The following ATF6 variants were observed in gnomAD, a reference collection of about 807,000 sequenced individuals.
The protein encoded by ATF6 is activating transcription factor 6, also known as cyclic AMP-dependent transcription factor ATF-6 alpha.
ATF6 carries 53 observed loss-of-function variants against 83.6 expected under a neutral mutation model. The observed-to-expected ratio is 0.63, with a 90% confidence interval of 0.51 to 0.80. The LOEUF is 0.80. ATF6 is among the 30% of genes least tolerant of loss of function. The pLI is 0.00. For missense variants in ATF6, 744 were observed against 797.9 expected, an observed-to-expected ratio of 0.93 and a Z score of 0.81; for synonymous variants, 288 against 285.8, an observed-to-expected ratio of 1.01 and a Z score of -0.08.
chr1:161,800,014 A>T (rs940795940), intron 6 of ATF6, among the ~76,000 whole-genome samples: 1 of 152,086 alleles, frequency 6.6e-6, no homozygotes, highest in Admixed American at 6.6e-5. Flanking sequence ...ATTTTGTTAG[A>T]TAGGCTCAAG....
chr1:161,963,878 C>T lies in ATF6; in HGVS notation c.*5224C>T, dbSNP rs1031703269. Reference sequence around the variant, plus strand: ...ATGCCATTTCACCAGGATCTTTTTGCTCAGGTTGTACCCATGCCAATTGAA... The same window carrying T: ...ATGCCATTTCACCAGGATCTTTTTGTTCAGGTTGTACCCATGCCAATTGAA... On this transcript the variant is annotated 3_prime_UTR_variant, in exon 16 of 16. Coordinates refer to ENST00000367942, the MANE Select transcript of ATF6 (RefSeq NM_007348.4). 2 of 152,120 alleles carry T rather than the reference C, an allele frequency of 1.3e-5. No individual in the cohort carries two copies. Among genetic ancestry groups the T allele is most frequent in the African/African-American group, 4.8e-5 (2 of 41,398 alleles). The allele number at this position is 152,120 out of a possible 1,614,324, so 9.4% of individuals were successfully genotyped here.
chr1:161,777,376 C>T (rs907065993), intron 1 of ATF6, among the ~76,000 whole-genome samples: 1 of 152,076 alleles, frequency 6.6e-6, no homozygotes, highest in South Asian at 2.1e-4. Flanking sequence ...TTGTCTTAGG[C>T]GGTGAAATGT....
chr1:161,889,361 T>G (rs759759238), intron 14 of ATF6, among the ~76,000 whole-genome samples: 2 of 152,222 alleles, frequency 1.3e-5, no homozygotes, highest in South Asian at 2.1e-4. Flanking sequence ...TGTACTGAAG[T>G]CAACTTCTCC....
intron 15 of ATF6, among the ~76,000 whole-genome samples, chr1:161,922,302 T>G (rs1367163773): frequency 6.6e-6 from 1 of 152,170 alleles, no homozygotes; most frequent in Non-Finnish European, 1.5e-5. Flanking sequence ...CCACATTACC[T>G]TTTCAACTCA....
At chr1:161,810,311 T>A (rs1244245313) in intron 7 of ATF6, among the ~76,000 whole-genome samples, 3 of 152,172 alleles carry the variant, frequency 2.0e-5, no homozygotes, top group African/African-American at 7.2e-5. Flanking sequence ...ACATCTTACA[T>A]GGCTAGAGCA....
intron 5 of ATF6, 48 bp downstream of exon 5, chr1:161,791,585 T>C: frequency 3.3e-6 from 5 of 1,535,642 alleles, no homozygotes; most frequent in Non-Finnish European, 4.3e-6. Context: ...CAGATTGAGC[T>C]TAGGTTCCAT....
At chr1:161,773,127 G>A (rs568276571) in intron 1 of ATF6, among the ~76,000 whole-genome samples, 4 of 142,714 alleles carry the variant, frequency 2.8e-5, no homozygotes, top group South Asian at 2.2e-4. Context: ...CACCATGCCC[G>A]GCTACTTTTT....
At chr1:161,884,603 G>C (rs961797627) in intron 14 of ATF6, among the ~76,000 whole-genome samples, 1 of 151,912 alleles carries the variant, frequency 6.6e-6, no homozygotes, top group African/African-American at 2.4e-5. Context: ...CATTAGTCCA[G>C]CGAGATATTT....
intron 14 of ATF6, among the ~76,000 whole-genome samples, chr1:161,871,085 T>C (rs548521140): frequency 6.6e-6 from 1 of 151,894 alleles, no homozygotes; most frequent in Admixed American, 6.6e-5. Flanking sequence ...AAATGTTGAC[T>C]ACTCAGACCA....
chr1:161,777,191 A>C (rs1323993093), intron 1 of ATF6, among the ~76,000 whole-genome samples: 2 of 152,174 alleles, frequency 1.3e-5, no homozygotes, highest in Non-Finnish European at 2.9e-5. Flanking sequence ...AACGAATGGG[A>C]GGAAAGAAAT....
At chr1:161,931,982 T>C (rs141601679) in intron 15 of ATF6, among the ~76,000 whole-genome samples, 32 of 152,308 alleles carry the variant, frequency 2.1e-4, no homozygotes, top group African/African-American at 7.2e-4. Flanking sequence ...GGAACTAAAC[T>C]CTAATTTAAG....
chr1:161,913,047 G>C (rs2101889252), intron 15 of ATF6, among the ~76,000 whole-genome samples: 1 of 152,278 alleles, frequency 6.6e-6, no homozygotes, highest in African/African-American at 2.4e-5. Flanking sequence ...CTTTCAGCTT[G>C]ATTCTTCATG....
chr1:161,844,791 T>G (rs2101817093), intron 9 of ATF6, among the ~76,000 whole-genome samples: 1 of 152,286 alleles, frequency 6.6e-6, no homozygotes, highest in African/African-American at 2.4e-5. Flanking sequence ...TTCATTTGAC[T>G]TCCCTCCCAA....
At chr1:161,872,130 T>C (rs762492114) in intron 14 of ATF6, among the ~76,000 whole-genome samples, 3 of 151,632 alleles carry the variant, frequency 2.0e-5, no homozygotes, top group African/African-American at 7.2e-5. Context: ...TTATCATCAT[T>C]TTACAGATGA....
At chr1:161,937,729 G>T (rs1265161785) in intron 15 of ATF6, among the ~76,000 whole-genome samples, 1 of 151,720 alleles carries the variant, frequency 6.6e-6, no homozygotes, top group African/African-American at 2.4e-5. Context: ...ATCACACATC[G>T]GGGCCTTTCG....
chr1:161,852,369 A>G (rs1437636880), intron 11 of ATF6, among the ~76,000 whole-genome samples: 1 of 152,216 alleles, frequency 6.6e-6, no homozygotes, highest in African/African-American at 2.4e-5. Context: ...AAGCAAAATA[A>G]GGGAAGTTAT....
intron 9 of ATF6, among the ~76,000 whole-genome samples, 154 bp downstream of exon 9, chr1:161,821,315 A>G (rs1484564158): frequency 6.6e-6 from 1 of 152,174 alleles, no homozygotes; most frequent in Non-Finnish European, 1.5e-5. Context: ...AGATCTCATG[A>G]TCCAGCTGGG....
chr1:161,773,375 G>C (rs1315877652), intron 1 of ATF6, among the ~76,000 whole-genome samples: 1 of 152,040 alleles, frequency 6.6e-6, no homozygotes, highest in Non-Finnish European at 1.5e-5. Flanking sequence ...CTGACCTCAT[G>C]ATCCGCCTGC....
chr1:161,774,157 G>C (rs1010969364), intron 1 of ATF6, among the ~76,000 whole-genome samples: 1 of 152,084 alleles, frequency 6.6e-6, no homozygotes, highest in Admixed American at 6.5e-5. Flanking sequence ...ATACTTCAAA[G>C]CTAACATCAC....
Sources: allele counts gnomAD v4.1 joint callset (sites outside exome capture counted in the v4.1 genomes callset), GRCh38; gene constraint gnomAD v4.1.1; transcripts MANE v1.5; gene names NCBI Gene and HGNC (gene_info 2026-07-23, HGNC 2026-07-21).